BCL2: variants seen among roughly 807,000 people sequenced by gnomAD.
BCL2 encodes apoptosis regulator Bcl-2.
A neutral mutation model predicts 14.2 loss-of-function variants in BCL2; 1 was observed. The observed-to-expected ratio is 0.07, with a 90% CI of 0.02 to 0.33. BCL2 has a LOEUF of 0.33. Among genes scored for constraint, BCL2 ranks in the 10% least tolerant of loss-of-function variants. BCL2 has a pLI of 0.99. For missense variants in BCL2, 247 were observed against 305.9 expected, an observed-to-expected ratio of 0.81 and a Z score of 1.44; for synonymous variants, 151 against 137.2, an observed-to-expected ratio of 1.10 and a Z score of -0.70.
chr18:63,210,886 A>G (rs1909979378), intron 2 of BCL2, among the ~76,000 whole-genome samples: 1 of 151,874 alleles, frequency 6.6e-6, no homozygotes, highest in Non-Finnish European at 1.5e-5. Context: ...CCCATTCACC[A>G]TCTCATTGTT....
intron 2 of BCL2, among the ~76,000 whole-genome samples, chr18:63,222,472 A>G (rs1447994756): frequency 2.6e-5 from 4 of 152,150 alleles, no homozygotes; most frequent in Non-Finnish European, 5.9e-5. Context: ...AATGGAGTAC[A>G]AAATAAGATT....
At chr18:63,205,242 C>T (rs1246559668) in intron 2 of BCL2, among the ~76,000 whole-genome samples, 3 of 152,206 alleles carry the variant, frequency 2.0e-5, no homozygotes, top group African/African-American at 7.2e-5. Flanking sequence ...CCGGAATAAT[C>T]GTTTCTTTGT....
At chr18:63,235,802 A>G (rs1285852460) in intron 2 of BCL2, among the ~76,000 whole-genome samples, 1 of 151,350 alleles carries the variant, frequency 6.6e-6, no homozygotes, top group Non-Finnish European at 1.5e-5. Flanking sequence ...ATAAAAAAAT[A>G]CTGTGTGATG....
chr18:63,267,875 T>C (rs556440340), intron 2 of BCL2, among the ~76,000 whole-genome samples: 215 of 152,288 alleles, frequency 1.4e-3, no homozygotes, highest in Non-Finnish European at 2.3e-3. Context: ...CCTTCTTCCT[T>C]CCCTTTCCTT....
Position 63,127,543 on chromosome 18 carries a change from C to T in BCL2, c.*1082G>A. ...ATTCTGAGCTCCATCAGCTTCCAGA[C>T]ATTCGGAGACCACACTGCCCTGTTG... On this transcript the variant is annotated 3_prime_UTR_variant, in exon 3 of 3. Transcript: ENST00000333681. The T allele has an allele frequency of 4.3e-6, 1 of 231,498 alleles. No individual in the cohort carries two copies. Among genetic ancestry groups the T allele is most frequent in the East Asian group, 6.1e-5 (1 of 16,476 alleles). 14.3% of individuals were successfully genotyped at this position (231,498 alleles called of 1,614,324 possible).
chr18:63,187,706 ATTG>A (rs1310379163), intron 2 of BCL2, among the ~76,000 whole-genome samples: 2 of 152,322 alleles, frequency 1.3e-5, no homozygotes, highest in African/African-American at 2.4e-5. Context: ...TCTTCCTAGT[ATTG>A]TTGTTGTTAC....
At chr18:63,170,635 C>T (rs756465943) in intron 2 of BCL2, among the ~76,000 whole-genome samples, 5 of 152,140 alleles carry the variant, frequency 3.3e-5, no homozygotes, top group Non-Finnish European at 7.4e-5. Flanking sequence ...AGTTCTTCTC[C>T]CATTTCATTA....
rs1210984459 is a variant in BCL2, at chr18:63,128,402, ATGATAT to A, written c.*217_*222del. On this transcript the variant is annotated 3_prime_UTR_variant, in exon 3 of 3. Transcript: ENST00000333681. ...TTTTTCTTAATAATGTAAAAAATAA[ATGATAT>A]TTCCCTTTGGCAGTAAATAGCTGAT... is the stretch of plus-strand genomic sequence containing the variant. 2.4e-6 allele frequency: 1 copy of A among 421,602 alleles called. No individual in the cohort carries two copies. Among genetic ancestry groups the A allele is most frequent in the Non-Finnish European group, 4.2e-6 (1 of 237,162 alleles). The allele number at this position is 421,602 out of a possible 1,614,324, so 26.1% of individuals were successfully genotyped here.
intron 2 of BCL2, among the ~76,000 whole-genome samples, chr18:63,287,544 G>A (rs1310981155): frequency 6.6e-6 from 1 of 152,050 alleles, no homozygotes; most frequent in Admixed American, 6.6e-5. Context: ...TATGTTTGGG[G>A]GGTGACTGAC....
intron 2 of BCL2, among the ~76,000 whole-genome samples, chr18:63,309,984 T>A (rs760323754): frequency 2.6e-5 from 4 of 152,112 alleles, no homozygotes; most frequent in Admixed American, 2.0e-4. Context: ...TGCCTCAGCC[T>A]CCCGAGTAGC....
At chr18:63,313,046 G>T (rs567626429) in intron 2 of BCL2, among the ~76,000 whole-genome samples, 8 of 152,314 alleles carry the variant, frequency 5.3e-5, no homozygotes, top group African/African-American at 1.9e-4. Context: ...CATATGGTCA[G>T]AAATAACGTT....
chr18:63,247,588 G>A (rs1472210885), intron 2 of BCL2, among the ~76,000 whole-genome samples: 3 of 152,176 alleles, frequency 2.0e-5, no homozygotes, highest in Admixed American at 2.0e-4. Flanking sequence ...AAAAACATCA[G>A]GGAGATAGGT....
intron 2 of BCL2, among the ~76,000 whole-genome samples, chr18:63,304,301 T>A (rs1913054207): frequency 6.6e-6 from 1 of 152,204 alleles, no homozygotes; most frequent in African/African-American, 2.4e-5. Flanking sequence ...CTCTTTACAG[T>A]AAACAAATAT....
chr18:63,274,758 A>G (rs1912107160), intron 2 of BCL2, among the ~76,000 whole-genome samples: 1 of 152,104 alleles, frequency 6.6e-6, no homozygotes, highest in Non-Finnish European at 1.5e-5. Flanking sequence ...GTCTGCAGGG[A>G]TTTCTGCCTC....
intron 2 of BCL2, among the ~76,000 whole-genome samples, chr18:63,223,713 G>A (rs1425326493): frequency 6.6e-6 from 1 of 152,222 alleles, no homozygotes; most frequent in East Asian, 1.9e-4. Context: ...CCATTCCCTG[G>A]TTTTCCCATT....
chr18:63,202,719 A>G (rs1909730914), intron 2 of BCL2, among the ~76,000 whole-genome samples: 1 of 152,190 alleles, frequency 6.6e-6, no homozygotes, highest in Non-Finnish European at 1.5e-5. Context: ...TTTGATGTTT[A>G]GAGGTTCTTA....
rs576289521 is a variant in BCL2, at chr18:63,302,944, C to A, written c.585+15138G>T. The A allele has an allele frequency of 1.0e-4, 97 of 940,712 alleles. No homozygotes were observed. The South Asian group carries it at 4.5e-3, about 43-fold the overall frequency. The allele number at this position is 940,712 out of a possible 1,614,324, so 58.3% of individuals were successfully genotyped here. On this transcript the variant is annotated intron_variant, in intron 2 of 2. Transcript: ENST00000333681. ...GGAAATAACTCTCCCTTGATACGCC[C>A]TGGTTGCTGAAGGTGGGTTTGTTTT...
At chr18:63,222,051 C>CA (rs1568238493) in intron 2 of BCL2, among the ~76,000 whole-genome samples, 1 of 152,050 alleles carries the variant, frequency 6.6e-6, no homozygotes, top group African/African-American at 2.4e-5. Context: ...GAGGCTGAGG[C>CA]AGGCAGATCA....
At chr18:63,240,679 A>G (rs1039119089) in intron 2 of BCL2, among the ~76,000 whole-genome samples, 1 of 152,216 alleles carries the variant, frequency 6.6e-6, no homozygotes, top group Non-Finnish European at 1.5e-5. Context: ...GCATTTCCCA[A>G]TTCCCTGCCT....
Sources: allele counts gnomAD v4.1 joint callset (sites outside exome capture counted in the v4.1 genomes callset), GRCh38; gene constraint gnomAD v4.1.1; transcripts MANE v1.5; gene names NCBI Gene and HGNC (gene_info 2026-07-23, HGNC 2026-07-21).